The following SCN1A variants were observed in gnomAD, a reference collection of about 807,000 sequenced individuals.
SCN1A encodes the protein sodium channel protein type 1 subunit alpha.
A neutral mutation model predicts 193.7 loss-of-function variants in SCN1A; 13 were observed. The ratio of observed to expected loss-of-function variants is 0.07; its 90% CI spans 0.04 to 0.11. The LOEUF is 0.11. Among genes scored for constraint, SCN1A ranks in the 10% least tolerant of loss-of-function variants. The probability of loss-of-function intolerance (pLI) is 1.00; values close to 1 mark genes in which losing one functional copy is unlikely to be tolerated. For missense variants in SCN1A, 1,432 were observed against 2,451.1 expected (o/e 0.58, Z 8.78); for synonymous variants, 781 against 843.6 (o/e 0.93, Z 1.29).
chr2:166,059,562 A>C (rs1559256939), intron 4 of SCN1A: 1 of 152,198 alleles, frequency 6.6e-6, no homozygotes, highest in Non-Finnish European at 1.5e-5. Flanking sequence ...AATGTTTTCC[A>C]AGGTGCTTAC....
At chr2:166,137,599 T>G (rs942883235) in intron 1 of SCN1A, 2 of 152,386 alleles carry the variant, frequency 1.3e-5, no homozygotes, top group African/African-American at 4.8e-5. Context: ...CGTTGCCTTC[T>G]GCCATGATTG....
At position 166,041,440 on chromosome 2, in the gene SCN1A, G is replaced by T; in HGVS notation, c.2206C>A (p.Pro736Thr). ...ELEESRQKCPPCWYKFSNIFL... is the reference protein window; with the variant it reads ...ELEESRQKCPTCWYKFSNIFL... The stretch of plus-strand genomic sequence containing the variant: ...ATGTTGGAAAATTTATACCAACAGG[G>T]TGGGCATTTCTGCCTGGATTCTTCA... Residue 736 changes from proline (P) to threonine (T), a missense_variant, in exon 16 of 29, where the codon CCC becomes ACC. Pro to Thr is a conservative substitution (Grantham distance 38, BLOSUM62 -1). Around this residue, in one of 18 missense-constraint regions of SCN1A, gnomAD observed 316 missense variants for 362.1 expected, o/e 0.87. Transcript: ENST00000674923. 6.2e-7 allele frequency: 1 copy of T among 1,609,142 alleles called. No homozygotes were observed. The highest frequency in any genetic ancestry group is 1.1e-5 in the South Asian group (1 of 90,824).
intron 2 of SCN1A, among the ~76,000 whole-genome samples, chr2:166,102,524 G>GA (rs200466227): frequency 0.025 from 2,934 of 118,446 alleles, 237 homozygotes; most frequent in Admixed American, 0.18. Context: ...AGAAAAAAAA[G>GA]AAAAAAAAAA....
At chr2:166,111,385 T>A (rs536131869) in intron 2 of SCN1A, among the ~76,000 whole-genome samples, 3 of 152,104 alleles carry the variant, frequency 2.0e-5, no homozygotes, top group African/African-American at 7.2e-5. Context: ...AGCACATCTG[T>A]TTACAGCATG....
intron 22 of SCN1A, among the ~76,000 whole-genome samples, chr2:166,011,677 C>T (rs1242967047): frequency 1.3e-5 from 2 of 150,962 alleles, no homozygotes; most frequent in Non-Finnish European, 3.0e-5. Flanking sequence ...TTATTGAGTG[C>T]CTTTAATACT....
chr2:166,144,585 C>A (rs886808123), intron 1 of SCN1A, among the ~76,000 whole-genome samples: 3 of 152,012 alleles, frequency 2.0e-5, no homozygotes, highest in African/African-American at 7.2e-5. Context: ...ATGCATTAAT[C>A]CTAGGAATAA....
chr2:166,067,698 AG>A lies in SCN1A; in HGVS notation c.264+5659del, dbSNP rs1159998500. ...ATTATATATAGCATGTAGAGTACAT[AG>A]CTTTTTTTTTTTTTTTTGCCTGCTT... is the stretch of plus-strand genomic sequence containing the variant. On this transcript the variant is annotated intron_variant, in intron 4 of 28. Coordinates refer to ENST00000674923, the MANE Select transcript of SCN1A (RefSeq NM_001165963.4). Among the ~76,000 whole-genome samples the A allele has an allele frequency of 5.4e-4, 70 of 129,192 alleles. 1 individual carries two copies. Among genetic ancestry groups the A allele is most frequent in the Non-Finnish European group, 1.8e-4 (11 of 60,308 alleles). The allele number at this position is 129,192 out of a possible 152,430, so 84.8% of individuals were successfully genotyped here.
intron 23 of SCN1A, among the ~76,000 whole-genome samples, chr2:166,003,744 G>C (rs146492542): frequency 6.6e-6 from 1 of 151,566 alleles, no homozygotes; most frequent in African/African-American, 2.4e-5. Flanking sequence ...GACATTAATA[G>C]CTAAGTTTAA....
chr2:165,998,926 A>G (rs938913312), intron 25 of SCN1A: 5 of 151,546 alleles, frequency 3.3e-5, no homozygotes, highest in African/African-American at 1.2e-4. Context: ...ACTTCAAGAA[A>G]GATAACATCA....
intron 1 of SCN1A, among the ~76,000 whole-genome samples, chr2:166,127,246 CA>C (rs1295131481): frequency 6.6e-6 from 1 of 152,154 alleles, no homozygotes; most frequent in African/African-American, 2.4e-5. Context: ...CATTTCTTCT[CA>C]AAAGCCCAGC....
Position 166,012,239 on chromosome 2 carries a change from G to A in SCN1A, c.3749C>T (p.Thr1250Met), listed in dbSNP as rs140731963. Reference protein sequence around the residue: ...IYIDQRKTIKTMLEYADKVFT... With the variant: ...IYIDQRKTIKMMLEYADKVFT... ...AACCTTGTCAGCATATTCCAACATC[G>A]TCTTAATCGTCTTTCGCTGATCAAT... is the stretch of plus-strand genomic sequence containing the variant. The change falls in exon 22 of 29, where the codon ACG becomes ATG. Residue 1250 changes from threonine (T) to methionine (M), a missense_variant. Physicochemically the swap from Thr to Met is moderately conservative, Grantham distance 81 (BLOSUM62 -1). Coordinates refer to ENST00000674923, the MANE Select transcript of SCN1A (RefSeq NM_001165963.4). The A allele has an allele frequency of 2.5e-4, 396 of 1,609,596 alleles. 1 individual carries two copies. Among genetic ancestry groups the A allele is most frequent in the Middle Eastern group, 3.3e-4 (2 of 6,032 alleles).
intron 23 of SCN1A, chr2:166,009,507 G>T: frequency 2.8e-6 from 1 of 351,406 alleles, no homozygotes; most frequent in Non-Finnish European, 5.3e-6. Flanking sequence ...ATTTAAATAA[G>T]CACAGCAGAT....
In SCN1A at chr2:166,118,305, T is replaced by C. The variant is rs1450350464; in HGVS notation, c.-142+8619A>G. Among the ~76,000 whole-genome samples the C allele has an allele frequency of 8.0e-3, 914 of 114,940 alleles. 157 individuals carry two copies. Among genetic ancestry groups the C allele is most frequent in the South Asian group, 0.014 (46 of 3,236 alleles). The allele number at this position is 114,940 out of a possible 152,430, so 75.4% of individuals were successfully genotyped here. On this transcript the variant is annotated intron_variant, in intron 2 of 28. Transcript: ENST00000674923. Reference sequence around the variant, plus strand: ...CTTACTGATTTCTATTTAGTTTCTTTTTTTTTTTTTTTTTTTTTTTTTTTT... The same window carrying C: ...CTTACTGATTTCTATTTAGTTTCTTCTTTTTTTTTTTTTTTTTTTTTTTTT...
chr2:166,098,145 C>G (rs1000049403), intron 2 of SCN1A, among the ~76,000 whole-genome samples: 1 of 152,112 alleles, frequency 6.6e-6, no homozygotes. Context: ...TTGAACCCAG[C>G]AGCACATCCA....
intron 12 of SCN1A, among the ~76,000 whole-genome samples, chr2:166,045,658 T>C (rs1697747980): frequency 6.6e-6 from 1 of 152,160 alleles, no homozygotes; most frequent in Non-Finnish European, 1.5e-5. Flanking sequence ...AAATTGGTAT[T>C]TAATTAGTGT....
chr2:166,020,218 ACTT>A (rs1693857831), intron 19 of SCN1A, among the ~76,000 whole-genome samples: 1 of 152,038 alleles, frequency 6.6e-6, no homozygotes, highest in South Asian at 2.1e-4. Flanking sequence ...CCCAAGGTGA[ACTT>A]CTTAATGTTC....
intron 19 of SCN1A, among the ~76,000 whole-genome samples, chr2:166,019,248 T>A (rs1307976103): frequency 1.3e-5 from 2 of 152,154 alleles, no homozygotes; most frequent in Non-Finnish European, 2.9e-5. Flanking sequence ...ATGCCCTTAT[T>A]AGCATTCCAA....
At chr2:166,020,161 C>T (rs1471171473) in intron 19 of SCN1A, among the ~76,000 whole-genome samples, 1 of 152,130 alleles carries the variant, frequency 6.6e-6, no homozygotes, top group East Asian at 1.9e-4. Flanking sequence ...CCACCCGTCT[C>T]GGCCTCCCAA....
chr2:166,100,602 C>T (rs1022970145), intron 2 of SCN1A, among the ~76,000 whole-genome samples: 6 of 149,892 alleles, frequency 4.0e-5, no homozygotes, highest in Non-Finnish European at 9.0e-5. Flanking sequence ...AAAATTTTCA[C>T]AACCTACTCA....
Sources: gnomAD v4.1 joint callset for allele counts (sites outside exome capture counted in the v4.1 genomes callset) on GRCh38, gnomAD v4.1.1 for gene constraint, gnomAD v4.1.1 regional missense constraint, MANE v1.5 for transcripts, NCBI Gene and HGNC (gene_info 2026-07-23, HGNC 2026-07-21) for gene names.